The following RARS2 variants were observed in gnomAD, a reference collection of about 807,000 sequenced individuals.
RARS2 encodes probable arginine--tRNA ligase, mitochondrial.
In RARS2, 67 loss-of-function variants were observed where a neutral mutation model predicts 88.5. The observed-to-expected ratio is 0.76, with a 90% CI of 0.62 to 0.93. The LOEUF (loss-of-function observed/expected upper bound fraction) is 0.93. Among genes scored for constraint, RARS2 ranks in the 40% least tolerant of loss-of-function variants. The probability of loss-of-function intolerance (pLI) is 0.00; values close to 1 mark genes in which losing one functional copy is unlikely to be tolerated. For synonymous variants in RARS2, 239 were observed against 230.3 expected (o/e 1.04, Z -0.34); for missense variants, 664 against 684.2 (o/e 0.97, Z 0.33).
intron 8 of RARS2, among the ~76,000 whole-genome samples, chr6:87,534,964 T>C (rs1418467215): frequency 6.6e-6 from 1 of 152,184 alleles, no homozygotes; most frequent in Non-Finnish European, 1.5e-5. Context: ...GAGACCAGTG[T>C]GCACTGAAGA....
chr6:87,518,976 T>C (rs1308006792), intron 14 of RARS2, 85 bp from the exon 15 acceptor site: 4 of 1,275,740 alleles, frequency 3.1e-6, no homozygotes, highest in Non-Finnish European at 4.6e-6. Flanking sequence ...CTGCCAAAAA[T>C]GTATGCTGAC....
intron 2 of RARS2, 86 bp from the exon 3 acceptor site, chr6:87,564,318 T>C (rs1788741829): frequency 7.4e-6 from 7 of 947,358 alleles, no homozygotes; most frequent in African/African-American, 1.6e-5. Context: ...GAGTTCTCCA[T>C]TGAGACATAC....
At chr6:87,520,149 C>T in intron 13 of RARS2, 31 bp downstream of exon 13, 3 of 1,579,526 alleles carry the variant, frequency 1.9e-6, no homozygotes, top group Non-Finnish European at 2.6e-6. Context: ...GCTGACCCTG[C>T]ACAGACAATT....
At chr6:87,584,594 T>C (rs1057242976) in intron 1 of RARS2, 7 of 348,166 alleles carry the variant, frequency 2.0e-5, no homozygotes, top group African/African-American at 8.8e-5. Context: ...ATAGTGAAGC[T>C]AGAATTCTAA....
At chr6:87,528,087 A>G (rs1386791833) in intron 10 of RARS2, among the ~76,000 whole-genome samples, 2 of 152,100 alleles carry the variant, frequency 1.3e-5, no homozygotes, top group Non-Finnish European at 2.9e-5. Flanking sequence ...AAGTGGGCCA[A>G]AGACCCGTAT....
intron 1 of RARS2, among the ~76,000 whole-genome samples, chr6:87,576,676 C>T (rs571286631): frequency 1.3e-5 from 2 of 152,164 alleles, no homozygotes; most frequent in South Asian, 2.1e-4. Flanking sequence ...ATTTTATTTT[C>T]GAAGCTGGGT....
chr6:87,525,217 GTC>G (rs746105454), intron 10 of RARS2, among the ~76,000 whole-genome samples: 12 of 152,164 alleles, frequency 7.9e-5, no homozygotes, highest in Admixed American at 4.6e-4. Flanking sequence ...AAAGTGACAT[GTC>G]TCTTAAGCAA....
intron 1 of RARS2, among the ~76,000 whole-genome samples, chr6:87,572,453 T>C (rs1210978245): frequency 6.6e-6 from 1 of 152,246 alleles, no homozygotes; most frequent in Admixed American, 6.5e-5. Context: ...AAATAGGTTG[T>C]GAACCTGGGT....
chr6:87,522,333 T>TAAAAAAAA (rs34710568), intron 11 of RARS2, among the ~76,000 whole-genome samples: 3 of 88,736 alleles, frequency 3.4e-5, no homozygotes, highest in Admixed American at 1.5e-4. Context: ...CCGTCTCAAT[T>TAAAAAAAA]AAAAAAAAAA....
intron 5 of RARS2, among the ~76,000 whole-genome samples, chr6:87,554,697 T>C (rs1021805146): frequency 1.3e-5 from 2 of 152,124 alleles, no homozygotes; most frequent in African/African-American, 4.8e-5. Context: ...CAAGTGATCC[T>C]CCCACCTTGC....
chr6:87,561,606 AAAG>A (rs1359148747), intron 4 of RARS2, among the ~76,000 whole-genome samples: 5 of 152,206 alleles, frequency 3.3e-5, no homozygotes, highest in Admixed American at 2.0e-4. Flanking sequence ...AATTTTCAGT[AAAG>A]AAGAATTATC....
At chr6:87,550,716 A>C (rs1167481706) in intron 5 of RARS2, among the ~76,000 whole-genome samples, 3 of 151,378 alleles carry the variant, frequency 2.0e-5, no homozygotes, top group African/African-American at 4.8e-5. Context: ...TAAGAAAAAA[A>C]AAAAAAAAGA....
At chr6:87,531,474 G>T (rs186262191) in intron 8 of RARS2, among the ~76,000 whole-genome samples, 111 of 152,302 alleles carry the variant, frequency 7.3e-4, no homozygotes, top group African/African-American at 2.6e-3. Flanking sequence ...TTTAATCAAA[G>T]ATTTTAAAAC....
chr6:87,550,994 TA>T (rs1262316374), intron 5 of RARS2, among the ~76,000 whole-genome samples: 2 of 151,974 alleles, frequency 1.3e-5, no homozygotes, highest in East Asian at 3.9e-4. Flanking sequence ...TCTGAATTTT[TA>T]AAAAACTAGG....
chr6:87,542,358 C>A (rs1781272307), intron 7 of RARS2, among the ~76,000 whole-genome samples: 1 of 152,140 alleles, frequency 6.6e-6, no homozygotes, highest in East Asian at 1.9e-4. Flanking sequence ...GTTGAAGTGA[C>A]ATCATGAAGC....
At chr6:87,557,814 C>CT (rs1786473426) in intron 4 of RARS2, among the ~76,000 whole-genome samples, 1 of 152,200 alleles carries the variant, frequency 6.6e-6, no homozygotes, top group Admixed American at 6.5e-5. Context: ...ACTCTGCACT[C>CT]TGTGCTCCAT....
chr6:87,573,327 A>T (rs1770388884), intron 1 of RARS2, among the ~76,000 whole-genome samples: 1 of 152,136 alleles, frequency 6.6e-6, no homozygotes, highest in Non-Finnish European at 1.5e-5. Context: ...GCACTAGGGG[A>T]ATGGTGCTAA....
chr6:87,555,074 G>A (rs1785415497), intron 5 of RARS2, among the ~76,000 whole-genome samples: 1 of 151,158 alleles, frequency 6.6e-6, no homozygotes. Flanking sequence ...ACTCCAGCCT[G>A]GGCGACAGAG....
intron 4 of RARS2, among the ~76,000 whole-genome samples, chr6:87,560,778 C>T (rs960803623): frequency 6.6e-6 from 1 of 152,084 alleles, no homozygotes; most frequent in Non-Finnish European, 1.5e-5. Context: ...TCCCAGCTAC[C>T]TGGGGAGGCA....
Sources: allele counts gnomAD v4.1 joint callset (sites outside exome capture counted in the v4.1 genomes callset), GRCh38; gene constraint gnomAD v4.1.1; transcripts MANE v1.5; gene names NCBI Gene and HGNC (gene_info 2026-07-23, HGNC 2026-07-21).